EPG5: variants seen among roughly 807,000 people sequenced by gnomAD.
EPG5 encodes ectopic P-granules 5 autophagy tethering factor, also known as ectopic P granules protein 5 homolog.
In EPG5, 159 loss-of-function variants were observed where a neutral mutation model predicts 302.7. That is an observed-to-expected ratio of 0.53 (90% confidence interval 0.46 to 0.60). EPG5 has a LOEUF of 0.60. Ranked by LOEUF, EPG5 falls within the 20% of genes least tolerant of loss-of-function variation. The probability of loss-of-function intolerance (pLI) is 0.00; values close to 1 mark genes in which losing one functional copy is unlikely to be tolerated. For synonymous variants in EPG5, 1,158 were observed against 1,136.8 expected, an observed-to-expected ratio of 1.02 and a Z score of -0.37; for missense variants, 2,896 against 3,092.4, an observed-to-expected ratio of 0.94 and a Z score of 1.51.
At position 45,870,747 on chromosome 18, in the gene EPG5, A is replaced by G. The variant is rs752296230; in HGVS notation, c.6050-5T>C. The G allele has an allele frequency of 5.1e-6, 8 of 1,583,716 alleles. No individual in the cohort carries two copies. Among genetic ancestry groups the G allele is most frequent in the Non-Finnish European group, 6.9e-6 (8 of 1,159,140 alleles). Reference sequence around the variant, plus strand: ...CATCACCTGGCAACAGCTTATCTAGAATGTGAAAAGAAAATAGAGCTGAAG... The same window carrying G: ...CATCACCTGGCAACAGCTTATCTAGGATGTGAAAAGAAAATAGAGCTGAAG... On this transcript the variant is annotated splice_polypyrimidine_tract_variant and splice_region_variant and intron_variant, in intron 35 of 43. Coordinates refer to ENST00000282041, the MANE Select transcript of EPG5 (RefSeq NM_020964.3).
At position 45,850,906 on chromosome 18, in the gene EPG5, G is replaced by A. The variant is rs1277678224; in HGVS notation, c.*1561C>T. 3.3e-5 allele frequency: 5 copies of A among 152,522 alleles called. No homozygotes were observed. Among genetic ancestry groups the A allele is most frequent in the South Asian group, 2.1e-4 (1 of 4,834 alleles). The allele number at this position is 152,522 out of a possible 1,614,324, so 9.4% of individuals were successfully genotyped here. A position where few individuals can be genotyped will look rare whatever the true frequency, so the allele number is the denominator to read the frequency against. On this transcript the variant is annotated 3_prime_UTR_variant, in exon 44 of 44. Coordinates refer to ENST00000282041, the MANE Select transcript of EPG5 (RefSeq NM_020964.3). ...GAACAAGATGATTAATTTTGAAAAC[G>A]GAGAGAAGCAAAAATAAGAAAAGCT...
chr18:45,876,492 G>A, intron 34 of EPG5, 150 bp from the exon 35 acceptor site: 2 of 588,154 alleles, frequency 3.4e-6, no homozygotes, highest in South Asian at 2.3e-5. Context: ...GTAAATAACT[G>A]CAGGCGAATT....
At chr18:45,936,797 A>C (rs2050537826) in intron 10 of EPG5, among the ~76,000 whole-genome samples, 1 of 151,260 alleles carries the variant, frequency 6.6e-6, no homozygotes, top group Non-Finnish European at 1.5e-5. Flanking sequence ...AAAAAAAAAA[A>C]CTTAAAAAAA....
the EPG5 span, chr18:45,837,086 A>C: frequency 6.2e-7 from 1 of 1,612,556 alleles, no homozygotes; most frequent in Non-Finnish European, 8.5e-7. Flanking sequence ...ACAGAGGTGC[A>C]CAGTAAGTGC....
chr18:45,939,807 C>T lies in EPG5; in HGVS notation c.1944-52G>A, dbSNP rs79875128. 8.9e-4 allele frequency: 1,341 copies of T among 1,501,108 alleles called. 15 individuals carry two copies. In the African/African-American group the frequency reaches 0.016, roughly 18 times the overall value. The allele number at this position is 1,501,108 out of a possible 1,614,324, so 93.0% of individuals were successfully genotyped here. ...ACTTTTCATTAGCTCAATATCTGCA[C>T]CTTTATATTACATTTCCAACATTCA... On this transcript the variant is annotated intron_variant, in intron 9 of 43. Transcript: ENST00000282041.
intron 27 of EPG5, among the ~76,000 whole-genome samples, chr18:45,890,965 C>T (rs2049332323): frequency 6.6e-6 from 1 of 152,134 alleles, no homozygotes; most frequent in Non-Finnish European, 1.5e-5. Context: ...GAGACCATAA[C>T]ATTTAGAAGG....
the EPG5 span, among the ~76,000 whole-genome samples, chr18:45,817,133 G>A: frequency 6.6e-6 from 1 of 152,136 alleles, no homozygotes; most frequent in African/African-American, 2.4e-5. Context: ...TGGGAAGTGG[G>A]TGAGGGATAA....
intron 22 of EPG5, among the ~76,000 whole-genome samples, chr18:45,911,082 C>CT (rs2049885135): frequency 1.5e-5 from 1 of 68,618 alleles, no homozygotes; most frequent in African/African-American, 4.6e-5. Flanking sequence ...TATCTATACA[C>CT]ACACACACAC....
intron 6 of EPG5, among the ~76,000 whole-genome samples, chr18:45,947,928 C>G (rs569603602): frequency 7.6e-4 from 116 of 152,274 alleles, no homozygotes; most frequent in South Asian, 1.0e-3. Context: ...GATTACACCA[C>G]CATGCCCGGC....
At chr18:45,859,182 T>G (rs1246998005) in intron 40 of EPG5, among the ~76,000 whole-genome samples, 1 of 152,276 alleles carries the variant, frequency 6.6e-6, no homozygotes, top group Non-Finnish European at 1.5e-5. Flanking sequence ...CACTTATGCT[T>G]TCCGACGGGA....
the EPG5 span, among the ~76,000 whole-genome samples, chr18:45,804,599 A>G: frequency 6.6e-6 from 1 of 152,228 alleles, no homozygotes; most frequent in Non-Finnish European, 1.5e-5. Context: ...GGAGGCCAAC[A>G]CAGTGAACCA....
chr18:45,817,262 T>C, the EPG5 span, among the ~76,000 whole-genome samples: 14 of 152,026 alleles, frequency 9.2e-5, no homozygotes, highest in Non-Finnish European at 1.8e-4. Context: ...CAATAACCTA[T>C]GGGAATAAAA....
chr18:45,865,582 G>A, intron 39 of EPG5, 33 bp downstream of exon 39: 1 of 1,610,592 alleles, frequency 6.2e-7, no homozygotes, highest in Non-Finnish European at 8.5e-7. Context: ...TGCATTGACT[G>A]AATGAATACA....
the EPG5 span, chr18:45,842,080 A>T: frequency 1.2e-6 from 2 of 1,611,396 alleles, no homozygotes; most frequent in Non-Finnish European, 1.7e-6. Context: ...TGTTTGGATG[A>T]TCATTCAACT....
Position 45,860,421 on chromosome 18 carries a change from C to T in EPG5, c.6767-75G>A, listed in dbSNP as rs928159191. On this transcript the variant is annotated intron_variant, in intron 39 of 43. Transcript: ENST00000282041. ...CCATGTGATCAGGAGAATAACAGTG[C>T]TTCAATCTTAGCTGTTCTCCAGGCA... 29 of 1,577,874 alleles carry T rather than the reference C, an allele frequency of 1.8e-5. 1 individual carries two copies. In the South Asian group the frequency reaches 3.1e-4, roughly 17 times the overall value.
chr18:45,918,169 G>A (rs542486155), intron 16 of EPG5, among the ~76,000 whole-genome samples: 5 of 152,252 alleles, frequency 3.3e-5, no homozygotes, highest in Admixed American at 6.5e-5. Flanking sequence ...CCTAAGAGCC[G>A]TAGGGACTCT....
At chr18:45,892,742 C>A (rs2049380611) in intron 27 of EPG5, among the ~76,000 whole-genome samples, 1 of 152,194 alleles carries the variant, frequency 6.6e-6, no homozygotes, top group Non-Finnish European at 1.5e-5. Flanking sequence ...ATACCCCAAA[C>A]AAGCTATCCA....
At position 45,949,406 on chromosome 18, in the gene EPG5, T is replaced by A. The variant is rs2050855302; in HGVS notation, c.1497+78A>T. 4 of 775,454 alleles carry A rather than the reference T, an allele frequency of 5.2e-6. No homozygotes were observed. The South Asian group carries it at 7.6e-5, about 15-fold the overall frequency. 48.0% of individuals were successfully genotyped at this position (775,454 alleles called of 1,614,324 possible). A position where few individuals can be genotyped will look rare whatever the true frequency, so the allele number is the denominator to read the frequency against. On this transcript the variant is annotated intron_variant, in intron 5 of 43. Coordinates refer to ENST00000282041, the MANE Select transcript of EPG5 (RefSeq NM_020964.3). ...CTCTTTTTTAAATAGTCCTTTTTTTTTCAGCAATTTCTTCAGGAATAATGT... is the reference window on the plus strand; with the variant it reads ...CTCTTTTTTAAATAGTCCTTTTTTTATCAGCAATTTCTTCAGGAATAATGT...
chr18:45,876,016 C>T (rs2048962564), intron 35 of EPG5, among the ~76,000 whole-genome samples: 1 of 151,020 alleles, frequency 6.6e-6, no homozygotes, highest in African/African-American at 2.4e-5. Flanking sequence ...CAGATCACAC[C>T]ACTGCACTCC....
Sources: gnomAD v4.1 joint callset for allele counts (sites outside exome capture counted in the v4.1 genomes callset) on GRCh38, gnomAD v4.1.1 for gene constraint, MANE v1.5 for transcripts, NCBI Gene and HGNC (gene_info 2026-07-23, HGNC 2026-07-21) for gene names.